Variants in PLGRKT observed in about 807,000 individuals in gnomAD.
The protein encoded by PLGRKT is plasminogen receptor with a C-terminal lysine, also known as plasminogen receptor (KT).
PLGRKT carries 22 observed loss-of-function variants against 18.5 expected under a neutral mutation model. That is an observed-to-expected ratio of 1.19 (90% CI 0.85 to 1.70). The LOEUF is 1.70. Among genes scored for constraint, PLGRKT ranks in the 40% most tolerant of loss-of-function variants. PLGRKT has a pLI of 0.00. For missense variants in PLGRKT, 235 were observed against 174.4 expected (o/e 1.35, Z -1.96); for synonymous variants, 72 against 52.8 (o/e 1.36, Z -1.58).
intron 3 of PLGRKT, among the ~76,000 whole-genome samples, chr9:5,393,900 A>C (rs1013173232): frequency 2.6e-5 from 4 of 151,974 alleles, no homozygotes; most frequent in African/African-American, 9.7e-5. Context: ...ATACAAATAT[A>C]TGCCCTCATG....
At position 5,361,767 on chromosome 9, in the gene PLGRKT, A is replaced by T. The variant is rs776476977; in HGVS notation, c.203T>A (p.Leu68Ter). 1 of 1,610,072 alleles carries T rather than the reference A, an allele frequency of 6.2e-7. No homozygotes were observed. Among genetic ancestry groups the T allele is most frequent in the South Asian group, 1.1e-5 (1 of 89,650 alleles). The change falls in exon 4 of 6, where the codon TTA becomes TAA. Residue 68 changes from leucine (L) to a stop codon, truncating the protein, a stop_gained. Coordinates refer to ENST00000223864, the MANE Select transcript of PLGRKT (RefSeq NM_018465.4). LOFTEE classifies it high-confidence loss of function. ...GTFFGLAAISLTAGAIKKKKP... is the reference protein window; with the variant it reads ...GTFFGLAAIS ...TAAATAGCAAACATACCCAGCTGTT[A>T]AAGAGATGGCTGCAAGGCCAAAAAA...
Position 5,418,355 on chromosome 9 carries a change from C to A in PLGRKT, c.81+13542G>T. The A allele has an allele frequency of 1.4e-6, 1 of 699,966 alleles. No individual in the cohort carries two copies. Among genetic ancestry groups the A allele is most frequent in the South Asian group, 1.6e-5 (1 of 63,064 alleles). The allele number at this position is 699,966 out of a possible 1,614,324, so 43.4% of individuals were successfully genotyped here. A position where few individuals can be genotyped will look rare whatever the true frequency, so the allele number is the denominator to read the frequency against. ...TAAGTTGGCACCCACAAGAGACTTC[C>A]CTGCAGCCCTCTCCAGCCACAAGAT... On this transcript the variant is annotated intron_variant, in intron 3 of 5. Transcript: ENST00000223864. This position sits in a 1 kb window ranked among gnomAD's most constrained non-coding sequence, Gnocchi z 4.2.
At chr9:5,394,118 C>T (rs1289244356) in intron 3 of PLGRKT, among the ~76,000 whole-genome samples, 1 of 151,844 alleles carries the variant, frequency 6.6e-6, no homozygotes, top group Non-Finnish European at 1.5e-5. Context: ...AACATGTTCA[C>T]TACAAGTAAC....
At chr9:5,359,808 C>G (rs565918571) in intron 5 of PLGRKT, among the ~76,000 whole-genome samples, 114 of 152,246 alleles carry the variant, frequency 7.5e-4, no homozygotes, top group Middle Eastern at 3.4e-3. Context: ...GTGACAGCAG[C>G]AGTATGCTGG....
rs965033958 is a variant in PLGRKT, at chr9:5,361,679, G to C, written c.212+79C>G. On this transcript the variant is annotated intron_variant, in intron 4 of 5. Coordinates refer to ENST00000223864, the MANE Select transcript of PLGRKT (RefSeq NM_018465.4). The stretch of plus-strand genomic sequence containing the variant: ...CTATTTGGACCAAAGTCTTATTCTG[G>C]CCAACTTCATAATAAAATGGTAATG... The C allele has an allele frequency of 9.4e-6, 13 of 1,384,190 alleles. No homozygotes were observed. In the African/African-American group the frequency reaches 1.3e-4, roughly 14 times the overall value. 85.7% of individuals were successfully genotyped at this position (1,384,190 alleles called of 1,614,324 possible). A position where few individuals can be genotyped will look rare whatever the true frequency, so the allele number is the denominator to read the frequency against.
chr9:5,390,241 GTATA>G (rs201045967), intron 3 of PLGRKT, among the ~76,000 whole-genome samples: 1 of 148,454 alleles, frequency 6.7e-6, no homozygotes, highest in South Asian at 2.1e-4. Flanking sequence ...GTGTGTATGT[GTATA>G]TATATATATA....
chr9:5,434,378 G>A (rs1476767860), intron 2 of PLGRKT, among the ~76,000 whole-genome samples: 1 of 137,062 alleles, frequency 7.3e-6, no homozygotes, highest in African/African-American at 2.8e-5. Flanking sequence ...CGCCCCATTT[G>A]GGAGGTGAGG....
intron 3 of PLGRKT, among the ~76,000 whole-genome samples, chr9:5,391,888 T>A (rs1817955743): frequency 6.6e-6 from 1 of 151,902 alleles, no homozygotes; most frequent in South Asian, 2.1e-4. Flanking sequence ...CTCCCCTCCC[T>A]CATCCTTCCA....
chr9:5,386,494 C>A (rs186181575), intron 3 of PLGRKT, among the ~76,000 whole-genome samples: 13 of 151,550 alleles, frequency 8.6e-5, no homozygotes, highest in Non-Finnish European at 1.8e-4. Flanking sequence ...CAGTGGACCC[C>A]CACACACACA....
At position 5,431,925 on chromosome 9, in the gene PLGRKT, TC is replaced by T; in HGVS notation, c.52del (p.Glu18SerfsTer5). 6.5e-7 allele frequency: 1 copy of T among 1,545,158 alleles called. No individual in the cohort carries two copies. Among genetic ancestry groups the T allele is most frequent in the East Asian group, 2.2e-5 (1 of 44,522 alleles). ...SMNESMKNQK[E>X]FMLMNARLQL... is the part of the protein sequence containing the mutation. ...AAGTCGAGCATTCATAAGCATGAAC[TC>T]CTTTTGATTTTTCATGCTTTCATTC... On this transcript the variant is annotated frameshift_variant, in exon 3 of 6. Coordinates refer to ENST00000223864, the MANE Select transcript of PLGRKT (RefSeq NM_018465.4). LOFTEE classifies it high-confidence loss of function.
chr9:5,364,649 C>G (rs1345868188), intron 3 of PLGRKT, among the ~76,000 whole-genome samples: 2 of 152,118 alleles, frequency 1.3e-5, no homozygotes, highest in Non-Finnish European at 2.9e-5. Flanking sequence ...GGTATTTTGA[C>G]TAAAAACTGT....
intron 3 of PLGRKT, among the ~76,000 whole-genome samples, chr9:5,403,027 T>A (rs551500650): frequency 6.6e-6 from 1 of 151,848 alleles, no homozygotes; most frequent in Admixed American, 6.5e-5. Flanking sequence ...CTCCCCTGGA[T>A]AATAGGTAGT....
chr9:5,401,183 C>T (rs768079154), intron 3 of PLGRKT, among the ~76,000 whole-genome samples: 32 of 151,780 alleles, frequency 2.1e-4, no homozygotes, highest in Non-Finnish European at 4.3e-4. Context: ...TTCCATTACC[C>T]AGTCTACACA....
At chr9:5,402,480 G>A (rs1818172979) in intron 3 of PLGRKT, among the ~76,000 whole-genome samples, 1 of 151,926 alleles carries the variant, frequency 6.6e-6, no homozygotes, top group Non-Finnish European at 1.5e-5. Context: ...GCCATAGCCA[G>A]ACCACATACC....
At chr9:5,367,769 CCAA>C (rs1563767109) in intron 3 of PLGRKT, among the ~76,000 whole-genome samples, 1 of 151,730 alleles carries the variant, frequency 6.6e-6, no homozygotes, top group African/African-American at 2.4e-5. Flanking sequence ...GAGCTTCTGC[CCAA>C]CAACAACAAA....
intron 1 of PLGRKT, among the ~76,000 whole-genome samples, chr9:5,437,173 G>T (rs1818976310): frequency 6.6e-6 from 1 of 152,138 alleles, no homozygotes; most frequent in Non-Finnish European, 1.5e-5. Context: ...TTCTGGGGAG[G>T]AGAAGTGGTG....
intron 3 of PLGRKT, among the ~76,000 whole-genome samples, chr9:5,429,029 A>G (rs1250665688): frequency 6.6e-6 from 1 of 152,180 alleles, no homozygotes; most frequent in African/African-American, 2.4e-5. Context: ...AGGTGGGGGA[A>G]AGTAACTGAA....
At chr9:5,400,078 C>CA (rs1039641538) in intron 3 of PLGRKT, among the ~76,000 whole-genome samples, 1 of 151,412 alleles carries the variant, frequency 6.6e-6, no homozygotes, top group African/African-American at 2.4e-5. Flanking sequence ...GTTATATGTG[C>CA]AAAAAAAATT....
intron 2 of PLGRKT, among the ~76,000 whole-genome samples, chr9:5,435,116 A>G (rs543787398): frequency 1.3e-5 from 2 of 151,952 alleles, no homozygotes; most frequent in Non-Finnish European, 2.9e-5. Flanking sequence ...ATGCTTGAAG[A>G]CAGCATGCTC....
Sources: allele counts gnomAD v4.1 joint callset (sites outside exome capture counted in the v4.1 genomes callset), GRCh38; gene constraint gnomAD v4.1.1; non-coding constraint Gnocchi (gnomAD v3.1); transcripts MANE v1.5; gene names NCBI Gene and HGNC (gene_info 2026-07-23, HGNC 2026-07-21).